CACNG7: variants seen among roughly 807,000 people sequenced by gnomAD.
CACNG7 encodes calcium voltage-gated channel auxiliary subunit gamma 7.
Under a neutral mutation model 26.3 loss-of-function variants are expected in CACNG7, and 9 were observed. The observed-to-expected ratio is 0.34, with a 90% CI of 0.21 to 0.60. The LOEUF is 0.60. Among genes scored for constraint, CACNG7 ranks in the 20% least tolerant of loss-of-function variants. The pLI, the probability that CACNG7 is intolerant of heterozygous loss-of-function variation, is 0.81. For synonymous variants in CACNG7, 170 were observed against 157.0 expected (o/e 1.08, Z -0.62); for missense variants, 297 against 380.4 (o/e 0.78, Z 1.82).
At chr19:53,915,066 G>C (rs2068886972) in intron 3 of CACNG7, among the ~76,000 whole-genome samples, 1 of 151,740 alleles carries the variant, frequency 6.6e-6, no homozygotes, top group Non-Finnish European at 1.5e-5. Context: ...GTGGTGGTTA[G>C]GTAAGGAGAA....
chr19:53,919,104 G>C (rs1210955615), intron 4 of CACNG7, among the ~76,000 whole-genome samples: 1 of 152,082 alleles, frequency 6.6e-6, no homozygotes, highest in Non-Finnish European at 1.5e-5. Flanking sequence ...TCCCCTTCTG[G>C]CCAAATTTCA....
intron 4 of CACNG7, among the ~76,000 whole-genome samples, chr19:53,930,477 A>G (rs867888180): frequency 1.3e-5 from 2 of 151,748 alleles, no homozygotes; most frequent in South Asian, 2.1e-4. Context: ...GGTACACAAG[A>G]TTCTCCTGCC....
intron 4 of CACNG7, among the ~76,000 whole-genome samples, chr19:53,930,074 C>CAAAAAAAAAAA (rs35004784): frequency 1.1e-5 from 1 of 92,572 alleles, no homozygotes; most frequent in Non-Finnish European, 2.3e-5. Context: ...CTACATGCTA[C>CAAAAAAAAAAA]AAAAAAAAAA....
chr19:53,924,395 C>A (rs1218496686), intron 4 of CACNG7, among the ~76,000 whole-genome samples: 2 of 144,334 alleles, frequency 1.4e-5, no homozygotes, highest in East Asian at 4.3e-4. Context: ...GAGTTGTCCC[C>A]AGGCCTGGTC....
At position 53,939,979 on chromosome 19, in the gene CACNG7, C is replaced by T. The variant is rs1230707029; in HGVS notation, c.425-1491C>T. Reference sequence around the variant, plus strand: ...CACAATGAGGGGGTGAGCTGGGTTTCGTCCATGGACCATGGTTTGCCGACC... The same window carrying T: ...CACAATGAGGGGGTGAGCTGGGTTTTGTCCATGGACCATGGTTTGCCGACC... On this transcript the variant is annotated intron_variant, in intron 4 of 5. Transcript: ENST00000391767. The surrounding 1 kb of genome is among the most constrained non-coding windows in gnomAD (Gnocchi z 4.2). Among the ~76,000 whole-genome samples the T allele has an allele frequency of 2.6e-5, 4 of 152,062 alleles. No homozygotes were observed. The highest frequency in any genetic ancestry group is 9.7e-5 in the African/African-American group (4 of 41,406).
chr19:53,922,634 GT>G (rs1328884956), intron 4 of CACNG7, among the ~76,000 whole-genome samples: 1 of 77,778 alleles, frequency 1.3e-5, no homozygotes, highest in Non-Finnish European at 2.2e-5. Context: ...TGGTGCAGTT[GT>G]CCCCAGGCCT....
chr19:53,919,038 G>A (rs1016171907), intron 4 of CACNG7, among the ~76,000 whole-genome samples: 107 of 152,326 alleles, frequency 7.0e-4, no homozygotes, highest in African/African-American at 2.6e-3. Flanking sequence ...CCGAAGTGCT[G>A]GAATTGCAGG....
In CACNG7 at chr19:53,921,915, T is replaced by TC. The variant is rs201246544; in HGVS notation, c.424+6410_424+6411insC. 3.6e-4 allele frequency among the ~76,000 whole-genome samples: 30 copies of TC among 84,402 alleles called. 2 individuals carry two copies. The highest frequency in any genetic ancestry group is 8.6e-4 in the South Asian group (2 of 2,324). 55.4% of individuals were successfully genotyped at this position (84,402 alleles called of 152,430 possible). On this transcript the variant is annotated intron_variant, in intron 4 of 5. Transcript: ENST00000391767. ...TTGGTGGAGTTGTCCCCAGGTCTGGTATTGGTGGAGTTGTCCCCAGGTCTG... is the reference window on the plus strand; with the variant it reads ...TTGGTGGAGTTGTCCCCAGGTCTGGTCATTGGTGGAGTTGTCCCCAGGTCTG...
chr19:53,924,201 TCCCAGGTCTGGTCATTGGTGCAGTTGC>T (rs1568777163), intron 4 of CACNG7, among the ~76,000 whole-genome samples: 20 of 123,346 alleles, frequency 1.6e-4, no homozygotes, highest in East Asian at 8.9e-4. Flanking sequence ...GGTGGAGTTG[TCCCAGGTCTGGTCATTGGTGCAGTTGC>T]CCCAGGTCTG....
At chr19:53,911,028 G>A (rs1022625369) in intron 1 of CACNG7, among the ~76,000 whole-genome samples, 7 of 144,560 alleles carry the variant, frequency 4.8e-5, no homozygotes, top group African/African-American at 8.7e-5. Flanking sequence ...GTGCTCTGAT[G>A]AGGATGCTGG....
chr19:53,938,713 G>A (rs1266163861), intron 4 of CACNG7, among the ~76,000 whole-genome samples: 1 of 151,930 alleles, frequency 6.6e-6, no homozygotes, highest in East Asian at 1.9e-4. Flanking sequence ...TCTGGGAGAT[G>A]AGGTGTGCAG....
chr19:53,926,100 G>T (rs1198831993), intron 4 of CACNG7, among the ~76,000 whole-genome samples: 1 of 152,148 alleles, frequency 6.6e-6, no homozygotes, highest in South Asian at 2.1e-4. Context: ...AATCTCATGT[G>T]TAGCCCATGT....
chr19:53,910,332 G>A (rs1281804320), intron 1 of CACNG7, among the ~76,000 whole-genome samples: 1 of 149,446 alleles, frequency 6.7e-6, no homozygotes, highest in Non-Finnish European at 1.5e-5. Context: ...AGCGTTCCCT[G>A]ACTCCGGATC....
chr19:53,927,647 A>G (rs938416683), intron 4 of CACNG7, among the ~76,000 whole-genome samples: 1 of 151,992 alleles, frequency 6.6e-6, no homozygotes, highest in Non-Finnish European at 1.5e-5. Flanking sequence ...AGACCAGACT[A>G]GCCAACATGG....
Position 53,942,255 on chromosome 19 carries a change from T to C in CACNG7, c.790T>C (p.Tyr264His), listed in dbSNP as rs771210237. Residue 264 changes from tyrosine (Y) to histidine (H), a missense_variant, in exon 6 of 6, where the codon TAC becomes CAC. By Grantham distance (83) the Tyr-to-His change is moderately conservative (BLOSUM62 2). Transcript: ENST00000391767. This position sits in a 1 kb window ranked among gnomAD's most constrained non-coding sequence, Gnocchi z 5.9. ...MTQNYPPAIKYPDHLHISTSP... is the reference protein window; with the variant it reads ...MTQNYPPAIKHPDHLHISTSP... ...GCAGAACTACCCTCCCGCCATCAAG[T>C]ACCCGGACCACCTGCACATCTCCAC... The C allele has an allele frequency of 1.2e-5, 19 of 1,613,382 alleles. No individual in the cohort carries two copies. Among genetic ancestry groups the C allele is most frequent in the African/African-American group, 2.7e-5 (2 of 75,010 alleles).
intron 4 of CACNG7, among the ~76,000 whole-genome samples, chr19:53,926,118 C>T (rs1225636591): frequency 3.3e-5 from 5 of 152,220 alleles, no homozygotes; most frequent in Non-Finnish European, 7.3e-5. Context: ...TGTGCACTCA[C>T]TCACAGAACA....
intron 4 of CACNG7, among the ~76,000 whole-genome samples, chr19:53,925,403 G>A (rs954529185): frequency 1.3e-5 from 2 of 150,036 alleles, no homozygotes; most frequent in African/African-American, 4.9e-5. Context: ...AGTTGCCCCA[G>A]GTCTGGTCAT....
intron 4 of CACNG7, among the ~76,000 whole-genome samples, chr19:53,923,366 G>C (rs2068982622): frequency 7.2e-6 from 1 of 139,386 alleles, no homozygotes; most frequent in Non-Finnish European, 1.6e-5. Context: ...GTTGCCCCAG[G>C]TCTGGTCATT....
intron 4 of CACNG7, among the ~76,000 whole-genome samples, chr19:53,928,778 G>A (rs929621129): frequency 9.2e-5 from 14 of 152,034 alleles, no homozygotes; most frequent in African/African-American, 2.2e-4. Flanking sequence ...TTTCAGAAAC[G>A]GAGATGAGGA....
Sources: gnomAD v4.1 joint callset for allele counts (sites outside exome capture counted in the v4.1 genomes callset) on GRCh38, gnomAD v4.1.1 for gene constraint, Gnocchi (gnomAD v3.1) non-coding constraint, MANE v1.5 for transcripts, NCBI Gene and HGNC (gene_info 2026-07-23, HGNC 2026-07-21) for gene names.